The following LHFPL4 variants were observed in gnomAD, a reference collection of about 807,000 sequenced individuals.
LHFPL4 encodes the protein LHFPL tetraspan subfamily member 4.
In LHFPL4, 6 loss-of-function variants were observed where a neutral mutation model predicts 20.0. That is an observed-to-expected ratio of 0.30 (90% CI 0.16 to 0.59). LHFPL4 has a LOEUF of 0.59. LHFPL4 is among the 20% of genes least tolerant of loss of function. The pLI is 0.88. For missense variants in LHFPL4, 215 were observed against 331.2 expected, an observed-to-expected ratio of 0.65 and a Z score of 2.72; for synonymous variants, 129 against 143.8, an observed-to-expected ratio of 0.90 and a Z score of 0.74.
At chr3:9,547,338 C>T (rs1056957991) in intron 2 of LHFPL4, among the ~76,000 whole-genome samples, 7 of 152,150 alleles carry the variant, frequency 4.6e-5, no homozygotes, top group African/African-American at 1.2e-4. Context: ...CTGGCACCCC[C>T]GACCCTTAAC....
intron 3 of LHFPL4, among the ~76,000 whole-genome samples, chr3:9,503,379 G>A (rs377370235): frequency 1.3e-5 from 2 of 152,176 alleles, no homozygotes; most frequent in African/African-American, 4.8e-5. Flanking sequence ...TTGCACTTCT[G>A]AAAGCTGCCG....
intron 2 of LHFPL4, among the ~76,000 whole-genome samples, chr3:9,541,976 A>T (rs188879419): frequency 6.6e-6 from 1 of 152,220 alleles, no homozygotes; most frequent in East Asian, 1.9e-4. Flanking sequence ...AAATGAAGGC[A>T]TGTGTCTACC....
intron 3 of LHFPL4, among the ~76,000 whole-genome samples, chr3:9,504,909 T>C (rs2046206534): frequency 6.6e-6 from 1 of 151,954 alleles, no homozygotes; most frequent in South Asian, 2.1e-4. Flanking sequence ...TCAATAAATA[T>C]ATCACTCTGT....
At chr3:9,510,958 A>G (rs1258871899) in intron 2 of LHFPL4, among the ~76,000 whole-genome samples, 2 of 151,274 alleles carry the variant, frequency 1.3e-5, no homozygotes, top group African/African-American at 2.4e-5. Context: ...AAATAAATAA[A>G]TAAATAAATA....
At chr3:9,509,495 G>A (rs372479132) in intron 2 of LHFPL4, among the ~76,000 whole-genome samples, 12 of 152,278 alleles carry the variant, frequency 7.9e-5, no homozygotes, top group African/African-American at 2.6e-4. Flanking sequence ...GCAGTGTGCC[G>A]GGGACAGCAG....
intron 2 of LHFPL4, among the ~76,000 whole-genome samples, chr3:9,526,985 A>G (rs181967665): frequency 6.6e-6 from 1 of 152,124 alleles, no homozygotes; most frequent in Non-Finnish European, 1.5e-5. Context: ...TTTCATGTAC[A>G]TGTATTTCAC....
chr3:9,532,121 G>A (rs2046413391), intron 2 of LHFPL4, among the ~76,000 whole-genome samples: 1 of 151,012 alleles, frequency 6.6e-6, no homozygotes, highest in Non-Finnish European at 1.5e-5. Context: ...TGCCTCCCAG[G>A]TTCAAGCAAT....
intron 2 of LHFPL4, among the ~76,000 whole-genome samples, chr3:9,548,611 G>A (rs1030796354): frequency 2.6e-5 from 4 of 152,158 alleles, no homozygotes; most frequent in African/African-American, 9.7e-5. Flanking sequence ...GGCATTTCCA[G>A]CCCGCACATA....
At position 9,513,011 on chromosome 3, in the gene LHFPL4, T is replaced by G. The variant is rs1190406057; in HGVS notation, c.407-6808A>C. 2.0e-5 allele frequency among the ~76,000 whole-genome samples: 3 copies of G among 152,158 alleles called. No homozygotes were observed. In the East Asian group the frequency reaches 5.8e-4, roughly 29 times the overall value. Reference sequence around the variant, plus strand: ...TCTCACTCAGTCGCCCAGGCTGGAGTGCAGTGGCCGCGATCTCGGCTCACT... The same window carrying G: ...TCTCACTCAGTCGCCCAGGCTGGAGGGCAGTGGCCGCGATCTCGGCTCACT... On this transcript the variant is annotated intron_variant, in intron 2 of 3. Transcript: ENST00000287585.
At chr3:9,526,960 G>T (rs1294805498) in intron 2 of LHFPL4, among the ~76,000 whole-genome samples, 1 of 151,430 alleles carries the variant, frequency 6.6e-6, no homozygotes, top group African/African-American at 2.4e-5. Flanking sequence ...GAAAAAAAAA[G>T]GTTAAAATGG....
chr3:9,538,177 G>A (rs951570516), intron 2 of LHFPL4, among the ~76,000 whole-genome samples: 2 of 152,014 alleles, frequency 1.3e-5, no homozygotes, highest in African/African-American at 4.8e-5. Flanking sequence ...CACCTGGATC[G>A]CCTTCTTCCC....
chr3:9,519,878 T>G (rs766643603), intron 2 of LHFPL4, among the ~76,000 whole-genome samples: 2 of 151,878 alleles, frequency 1.3e-5, no homozygotes, highest in Non-Finnish European at 2.9e-5. Flanking sequence ...AGGCTGGTCT[T>G]GAACTCCTGG....
intron 2 of LHFPL4, among the ~76,000 whole-genome samples, chr3:9,509,241 A>C (rs373686501): frequency 0.013 from 1,639 of 127,992 alleles, 4 homozygotes; most frequent in African/African-American, 0.027. Flanking sequence ...CTTTCTTCGC[A>C]CCCCCCTCTC....
chr3:9,502,252 C>T lies in LHFPL4; in HGVS notation c.703G>A (p.Gly235Arg), dbSNP rs2046182181. Residue 235 changes from glycine to arginine, a missense_variant, in exon 4 of 4, where the codon GGA (glycine) becomes AGA (arginine). Transcript: ENST00000287585. ...TGAGCCACGGGGCAGGGAAGGACTC[C>T]CCATCCAGAGACATCACCCCCGGGC... ...LRPGGDVSGW[G>R]VLPCPVAHSQ... is the part of the protein sequence containing the mutation. The T allele has an allele frequency of 6.2e-7, 1 of 1,614,008 alleles. No individual in the cohort carries two copies. Among genetic ancestry groups the T allele is most frequent in the Non-Finnish European group, 8.5e-7 (1 of 1,179,976 alleles).
At chr3:9,553,637 G>C (rs1243720094) in intron 1 of LHFPL4, 48 bp downstream of exon 1, 1 of 151,424 alleles carries the variant, frequency 6.6e-6, no homozygotes, top group East Asian at 1.9e-4. Flanking sequence ...GCCCAGGCCG[G>C]ACGCGCGCGA....
At chr3:9,514,659 T>C (rs1253499443) in intron 2 of LHFPL4, among the ~76,000 whole-genome samples, 1 of 152,248 alleles carries the variant, frequency 6.6e-6, no homozygotes, top group Non-Finnish European at 1.5e-5. Flanking sequence ...GCTCTGCCTA[T>C]TCATCCCTTC....
chr3:9,535,412 G>A (rs2046438982), intron 2 of LHFPL4, among the ~76,000 whole-genome samples: 1 of 152,176 alleles, frequency 6.6e-6, no homozygotes, highest in South Asian at 2.1e-4. Context: ...GTAAGTTGCA[G>A]GATTTGGACC....
Position 9,502,130 on chromosome 3 carries a change from A to C in LHFPL4, c.*81T>G. 1.0e-6 allele frequency: 1 copy of C among 1,003,264 alleles called. No individual in the cohort carries two copies. The highest frequency in any genetic ancestry group is 1.6e-6 in the Non-Finnish European group (1 of 634,608). The allele number at this position is 1,003,264 out of a possible 1,614,324, so 62.1% of individuals were successfully genotyped here. On this transcript the variant is annotated 3_prime_UTR_variant, in exon 4 of 4. Coordinates refer to ENST00000287585, the MANE Select transcript of LHFPL4 (RefSeq NM_198560.3). ...AAGTCTGAGATCAGGGTCTTCCCTC[A>C]GAGCTTGAATGGAGTGACGAGAGGG...
intron 2 of LHFPL4, among the ~76,000 whole-genome samples, chr3:9,534,007 G>C (rs2046428593): frequency 1.3e-5 from 2 of 151,094 alleles, no homozygotes; most frequent in South Asian, 2.1e-4. Context: ...GGAGTCCAGG[G>C]GTTTGAGACC....
Sources: gnomAD v4.1 joint callset for allele counts (sites outside exome capture counted in the v4.1 genomes callset) on GRCh38, gnomAD v4.1.1 for gene constraint, MANE v1.5 for transcripts, NCBI Gene and HGNC (gene_info 2026-07-23, HGNC 2026-07-21) for gene names.